CLEC16A: variants seen among roughly 807,000 people sequenced by gnomAD.
CLEC16A encodes protein CLEC16A.
In CLEC16A, 51 loss-of-function variants were observed where a neutral mutation model predicts 109.5. The ratio of observed to expected loss-of-function variants is 0.47; its 90% CI spans 0.37 to 0.59. CLEC16A has a LOEUF of 0.59. Ranked by LOEUF, CLEC16A falls within the 20% of genes least tolerant of loss-of-function variation. CLEC16A has a pLI of 0.00. For synonymous variants in CLEC16A, 673 were observed against 564.2 expected, an observed-to-expected ratio of 1.19 and a Z score of -2.73; for missense variants, 1,339 against 1,394.0, an observed-to-expected ratio of 0.96 and a Z score of 0.63.
At chr16:11,159,306 C>T (rs921424743) in intron 22 of CLEC16A, among the ~76,000 whole-genome samples, 12 of 152,210 alleles carry the variant, frequency 7.9e-5, no homozygotes, top group African/African-American at 2.7e-4. Context: ...AATGGTTTCT[C>T]AGTGTGCGTG....
At chr16:11,147,099 C>A (rs146292894) in intron 22 of CLEC16A, among the ~76,000 whole-genome samples, 1 of 151,854 alleles carries the variant, frequency 6.6e-6, no homozygotes, top group African/African-American at 2.4e-5. Flanking sequence ...CAGACAGGGG[C>A]TGCCATAGAC....
chr16:11,008,079 C>T (rs769172495), intron 11 of CLEC16A, among the ~76,000 whole-genome samples: 16 of 152,196 alleles, frequency 1.1e-4, no homozygotes, highest in Non-Finnish European at 2.1e-4. Flanking sequence ...CGCACACACT[C>T]TCGGTCGTTG....
intron 22 of CLEC16A, among the ~76,000 whole-genome samples, chr16:11,134,182 ATTTTTTT>A (rs34036131): frequency 1.9e-4 from 24 of 124,034 alleles, no homozygotes; most frequent in Non-Finnish European, 2.9e-4. Flanking sequence ...CCCTTTTCTG[ATTTTTTT>A]TTTTTTTTTT....
chr16:11,021,134 C>T (rs1363697480), intron 12 of CLEC16A, among the ~76,000 whole-genome samples: 1 of 152,204 alleles, frequency 6.6e-6, no homozygotes, highest in Non-Finnish European at 1.5e-5. Flanking sequence ...ACACACGGCC[C>T]CCCATCCTCT....
At chr16:10,958,859 T>C (rs2042117013) in intron 2 of CLEC16A, among the ~76,000 whole-genome samples, 2 of 152,112 alleles carry the variant, frequency 1.3e-5, no homozygotes, top group Non-Finnish European at 2.9e-5. Context: ...AGCCATGATC[T>C]TGCCACTGCA....
intron 11 of CLEC16A, among the ~76,000 whole-genome samples, chr16:11,008,757 G>T (rs746292060): frequency 1.3e-5 from 2 of 150,538 alleles, no homozygotes; most frequent in Admixed American, 6.6e-5. Context: ...TTGGGAGGCC[G>T]AGGTGGGCAG....
At chr16:11,041,029 C>G (rs1038041072) in intron 14 of CLEC16A, 18 of 152,174 alleles carry the variant, frequency 1.2e-4, no homozygotes, top group African/African-American at 4.3e-4. Context: ...CAGAAATAAA[C>G]TTGAAAGACC....
intron 12 of CLEC16A, among the ~76,000 whole-genome samples, chr16:11,021,462 A>G (rs1006695393): frequency 6.6e-6 from 1 of 152,210 alleles, no homozygotes; most frequent in African/African-American, 2.4e-5. Flanking sequence ...CCAAATAACC[A>G]GTAGTGGGAT....
intron 19 of CLEC16A, among the ~76,000 whole-genome samples, chr16:11,080,446 A>G (rs771920995): frequency 6.6e-6 from 1 of 152,218 alleles, no homozygotes; most frequent in Non-Finnish European, 1.5e-5. Flanking sequence ...AGGGCCTTCC[A>G]GGCAGAGGGG....
chr16:10,944,610 A>G lies in CLEC16A; in HGVS notation c.-108A>G. On this transcript the variant is annotated 5_prime_UTR_variant, in exon 1 of 24. Coordinates refer to ENST00000409790, the MANE Select transcript of CLEC16A (RefSeq NM_015226.3). ...GAGGAAGGCGGCTCGCGGTTCCTCC[A>G]CCGCCTCCGCCGCCGCATCCTCCGC... 2 of 1,108,534 alleles carry G rather than the reference A, an allele frequency of 1.8e-6. No individual in the cohort carries two copies. The highest frequency in any genetic ancestry group is 1.5e-5 in the South Asian group (1 of 67,792). 68.7% of individuals were successfully genotyped at this position (1,108,534 alleles called of 1,614,324 possible). A position where few individuals can be genotyped will look rare whatever the true frequency, so the allele number is the denominator to read the frequency against.
chr16:11,160,335 G>C (rs958019126), intron 22 of CLEC16A, among the ~76,000 whole-genome samples: 1 of 152,090 alleles, frequency 6.6e-6, no homozygotes, highest in African/African-American at 2.4e-5. Flanking sequence ...CTCGGGCCTC[G>C]CTCTTTCTGG....
At chr16:11,113,290 A>G (rs575362534) in intron 19 of CLEC16A, among the ~76,000 whole-genome samples, 2 of 152,340 alleles carry the variant, frequency 1.3e-5, no homozygotes, top group East Asian at 3.9e-4. Context: ...CCCTTTGTGT[A>G]AAGCTGTGGA....
chr16:10,990,042 G>A (rs76408296), intron 10 of CLEC16A, among the ~76,000 whole-genome samples: 6 of 152,180 alleles, frequency 3.9e-5, no homozygotes, highest in Admixed American at 2.0e-4. Flanking sequence ...GTTCCAAGGC[G>A]CGCACATTCT....
Position 11,061,013 on chromosome 16 carries a change from C to G in CLEC16A, c.2107C>G (p.Leu703Val). The change falls in exon 19 of 24, where the codon CTG (leucine) becomes GTG (valine). Residue 703 changes from leucine (L) to valine (V), a missense_variant. Physicochemically the swap from Leu to Val is conservative, Grantham distance 32 (BLOSUM62 1). Coordinates refer to ENST00000409790, the MANE Select transcript of CLEC16A (RefSeq NM_015226.3). ...EEDLIKTDDV[L>V]DLNNSDLIAC... Reference sequence around the variant, plus strand: ...GGACCTGATCAAGACTGATGATGTCCTGGATCTGAGTGAGTTGGCTGCTCT... The same window carrying G: ...GGACCTGATCAAGACTGATGATGTCGTGGATCTGAGTGAGTTGGCTGCTCT... The G allele has an allele frequency of 6.2e-7, 1 of 1,607,628 alleles. No homozygotes were observed. Among genetic ancestry groups the G allele is most frequent in the South Asian group, 1.1e-5 (1 of 90,516 alleles).
In CLEC16A at chr16:11,093,608, C is replaced by T. The variant is rs561980512; in HGVS notation, c.2117-27007C>T. Among the ~76,000 whole-genome samples the T allele has an allele frequency of 3.9e-5, 6 of 152,220 alleles. No homozygotes were observed. In the South Asian group the frequency reaches 1.2e-3, roughly 32 times the overall value. ...TGAATCTGTCTTAAAGCAAAGTGGG[C>T]GTATTTTTGAAGAAGTAAATATCAG... is the stretch of plus-strand genomic sequence containing the variant. On this transcript the variant is annotated intron_variant, in intron 19 of 23. Transcript: ENST00000409790.
intron 10 of CLEC16A, among the ~76,000 whole-genome samples, chr16:10,984,316 T>C (rs189659303): frequency 6.6e-6 from 1 of 152,220 alleles, no homozygotes; most frequent in South Asian, 2.1e-4. Flanking sequence ...AGAAACTCTG[T>C]CCTTGTTAGT....
chr16:11,025,957 G>A (rs1339515581), intron 13 of CLEC16A, among the ~76,000 whole-genome samples: 1 of 152,188 alleles, frequency 6.6e-6, no homozygotes, highest in Middle Eastern at 3.2e-3. Context: ...TGCCCACTTA[G>A]CTGTAAATGG....
rs114930808 is a variant in CLEC16A at position 10,954,581 on chromosome 16, A to C, written c.81-3201A>C. Among the ~76,000 whole-genome samples the C allele has an allele frequency of 4.5e-3, 680 of 152,340 alleles. 6 individuals are homozygous for C. The highest frequency in any genetic ancestry group is 0.016 in the African/African-American group (653 of 41,562). On this transcript the variant is annotated intron_variant, in intron 1 of 23. Transcript: ENST00000409790. The surrounding 1 kb of genome is among the most constrained non-coding windows in gnomAD (Gnocchi z 4.2). ...CATTGCTGTTTACATTTTACTGGTG[A>C]GACAACTGAGGTGCACAGAGGGAAA...
chr16:11,122,285 C>T (rs1326212040), intron 20 of CLEC16A, among the ~76,000 whole-genome samples: 1 of 152,188 alleles, frequency 6.6e-6, no homozygotes, highest in Non-Finnish European at 1.5e-5. Context: ...GTGTGAGAAA[C>T]AACTATAGAA....
Sources: allele counts gnomAD v4.1 joint callset (sites outside exome capture counted in the v4.1 genomes callset), GRCh38; gene constraint gnomAD v4.1.1; non-coding constraint Gnocchi (gnomAD v3.1); transcripts MANE v1.5; gene names NCBI Gene and HGNC (gene_info 2026-07-23, HGNC 2026-07-21).